Variants in HEMK2 observed in about 807,000 individuals in gnomAD.
The protein encoded by HEMK2 is methyltransferase HEMK2.
chr21:28,743,959 G>C, the HEMK2 span, among the ~76,000 whole-genome samples: 1 of 152,136 alleles, frequency 6.6e-6, no homozygotes, highest in Non-Finnish European at 1.5e-5. Context: ...GATGGAACTG[G>C]AGGCTGTTAT....
chr21:28,844,767 T>G, the HEMK2 span, among the ~76,000 whole-genome samples: 1 of 143,862 alleles, frequency 7.0e-6, no homozygotes, highest in African/African-American at 2.7e-5. Flanking sequence ...AAATTACACT[T>G]TCTTTTACTT....
chr21:28,863,414 A>T, the HEMK2 span, among the ~76,000 whole-genome samples: 668 of 7,830 alleles, frequency 0.085, 26 homozygotes, highest in Middle Eastern at 0.31. Flanking sequence ...TCCCTTTTAT[A>T]TATATATATA....
At chr21:28,635,600 A>AGTATGGTT in the HEMK2 span, among the ~76,000 whole-genome samples, 4 of 152,216 alleles carry the variant, frequency 2.6e-5, no homozygotes, top group Non-Finnish European at 5.9e-5. Context: ...ACTACTGTGT[A>AGTATGGTT]CCAAGCATGG....
At chr21:28,705,107 G>A in the HEMK2 span, among the ~76,000 whole-genome samples, 219 of 152,202 alleles carry the variant, frequency 1.4e-3, 1 homozygote, top group African/African-American at 5.0e-3. Flanking sequence ...TCTCCAAGCA[G>A]CTTGGTAAAT....
chr21:28,841,297 A>C, the HEMK2 span, among the ~76,000 whole-genome samples: 10 of 9,382 alleles, frequency 1.1e-3, 4 homozygotes, highest in African/African-American at 7.2e-3. Flanking sequence ...TATATATTAT[A>C]TATTATATAT....
the HEMK2 span, among the ~76,000 whole-genome samples, chr21:28,654,593 T>A: frequency 6.6e-6 from 1 of 152,170 alleles, no homozygotes; most frequent in East Asian, 1.9e-4. Context: ...TTCTACTGTC[T>A]CGAAAAAAAT....
chr21:28,862,909 G>C, the HEMK2 span, among the ~76,000 whole-genome samples: 69 of 152,152 alleles, frequency 4.5e-4, 1 homozygote, highest in Admixed American at 1.3e-4. Context: ...CTGGTTGTAC[G>C]AAGGATAGTT....
chr21:28,808,107 T>A, the HEMK2 span, among the ~76,000 whole-genome samples: 1 of 152,136 alleles, frequency 6.6e-6, no homozygotes, highest in South Asian at 2.1e-4. Flanking sequence ...AGGAAGATGA[T>A]GACAGCAGAG....
the HEMK2 span, among the ~76,000 whole-genome samples, chr21:28,626,102 A>C: frequency 6.6e-6 from 1 of 152,136 alleles, no homozygotes; most frequent in African/African-American, 2.4e-5. Context: ...TGTTCTTATA[A>C]TTTCCTTAAA....
At chr21:28,869,021 T>C in the HEMK2 span, among the ~76,000 whole-genome samples, 1 of 151,946 alleles carries the variant, frequency 6.6e-6, no homozygotes, top group Non-Finnish European at 1.5e-5. Context: ...CCAGTGAAAA[T>C]GTTGAATAGG....
chr21:28,607,384 C>A, the HEMK2 span, among the ~76,000 whole-genome samples: 1 of 152,112 alleles, frequency 6.6e-6, no homozygotes, highest in East Asian at 1.9e-4. Context: ...GCACTCCAGC[C>A]TGGGCAATAC....
At chr21:28,610,254 C>G in the HEMK2 span, among the ~76,000 whole-genome samples, 3 of 152,128 alleles carry the variant, frequency 2.0e-5, no homozygotes, top group Non-Finnish European at 2.9e-5. Flanking sequence ...CTATTTTTAG[C>G]TTCCTTAAAC....
chr21:28,700,645 C>A, the HEMK2 span, among the ~76,000 whole-genome samples: 1 of 152,026 alleles, frequency 6.6e-6, no homozygotes, highest in Non-Finnish European at 1.5e-5. Context: ...GAAATTGAAT[C>A]CGTAATAAAA....
At chr21:28,718,129 T>C in the HEMK2 span, among the ~76,000 whole-genome samples, 2 of 152,228 alleles carry the variant, frequency 1.3e-5, no homozygotes, top group Non-Finnish European at 2.9e-5. Context: ...GTGTCTGTTT[T>C]CATTTATTTC....
At chr21:28,686,849 T>C in the HEMK2 span, among the ~76,000 whole-genome samples, 4 of 152,222 alleles carry the variant, frequency 2.6e-5, no homozygotes, top group Non-Finnish European at 5.9e-5. Flanking sequence ...TGCATTTTTA[T>C]ACTCTTTTTA....
the HEMK2 span, among the ~76,000 whole-genome samples, chr21:28,753,286 G>A: frequency 1.3e-5 from 2 of 151,384 alleles, no homozygotes; most frequent in Admixed American, 1.3e-4. Flanking sequence ...AAACCCAGGA[G>A]GCAGAAGTCG....
chr21:28,859,674 C>A, the HEMK2 span, among the ~76,000 whole-genome samples: 1 of 152,046 alleles, frequency 6.6e-6, no homozygotes. Context: ...GTTATGGGGA[C>A]CTCAGGTGTA....
the HEMK2 span, among the ~76,000 whole-genome samples, chr21:28,725,601 A>T: frequency 6.6e-6 from 1 of 152,056 alleles, no homozygotes; most frequent in African/African-American, 2.4e-5. Flanking sequence ...GGTGCTGCCA[A>T]CTCTCAGACT....
the HEMK2 span, among the ~76,000 whole-genome samples, chr21:28,824,874 T>G: frequency 6.6e-6 from 1 of 152,202 alleles, no homozygotes; most frequent in African/African-American, 2.4e-5. Context: ...CATCACTGAA[T>G]GTATTAATGG....
Sources: gnomAD v4.1 joint callset for allele counts (sites outside exome capture counted in the v4.1 genomes callset) on GRCh38, gnomAD v4.1.1 for gene constraint, MANE v1.5 for transcripts, NCBI Gene and HGNC (gene_info 2026-07-23, HGNC 2026-07-21) for gene names.